PTPRD: variants seen among roughly 807,000 people sequenced by gnomAD.
PTPRD encodes the protein receptor-type tyrosine-protein phosphatase delta.
In PTPRD, 34 loss-of-function variants were observed where a neutral mutation model predicts 214.5. That is an observed-to-expected ratio of 0.16 (90% CI 0.12 to 0.21). The LOEUF is 0.21. Among genes scored for constraint, PTPRD ranks in the 10% least tolerant of loss-of-function variants. The pLI is 1.00. For missense variants in PTPRD, 2,545 were observed against 2,398.7 expected, an observed-to-expected ratio of 1.06 and a Z score of -1.27; for synonymous variants, 1,128 against 845.7, an observed-to-expected ratio of 1.33 and a Z score of -5.79.
At chr9:10,603,032 T>G (rs865913846) in intron 2 of PTPRD, among the ~76,000 whole-genome samples, 1 of 151,906 alleles carries the variant, frequency 6.6e-6, no homozygotes, top group African/African-American at 2.4e-5. Context: ...GGTCATGGAT[T>G]ATCAAGTACA....
chr9:9,904,583 T>C (rs763627042), intron 5 of PTPRD, among the ~76,000 whole-genome samples: 2 of 151,934 alleles, frequency 1.3e-5, no homozygotes, highest in Non-Finnish European at 2.9e-5. Context: ...TTAGCTTCCT[T>C]CCACACCTAC....
At chr9:8,579,162 T>C (rs1391478229) in intron 14 of PTPRD, among the ~76,000 whole-genome samples, 2 of 152,170 alleles carry the variant, frequency 1.3e-5, no homozygotes, top group African/African-American at 2.4e-5. Flanking sequence ...AATCAGTTGA[T>C]AGAAACAACA....
chr9:9,947,416 A>ATAT (rs1184799247), intron 4 of PTPRD, among the ~76,000 whole-genome samples: 23 of 38,388 alleles, frequency 6.0e-4, no homozygotes, highest in Admixed American at 1.1e-3. Flanking sequence ...TATATATTTT[A>ATAT]TATATATATT....
intron 11 of PTPRD, among the ~76,000 whole-genome samples, chr9:8,793,828 TAG>T: frequency 6.6e-6 from 1 of 152,330 alleles, no homozygotes; most frequent in African/African-American, 2.4e-5. Context: ...ACTATGTATC[TAG>T]GTTTGTATTT....
chr9:8,560,716 G>A (rs533712301), intron 14 of PTPRD, among the ~76,000 whole-genome samples: 2 of 152,154 alleles, frequency 1.3e-5, no homozygotes, highest in East Asian at 1.9e-4. Flanking sequence ...GGTAAACAGT[G>A]GTTTCTCAAA....
chr9:9,969,064 A>T (rs960828849), intron 4 of PTPRD, among the ~76,000 whole-genome samples: 1 of 152,216 alleles, frequency 6.6e-6, no homozygotes, highest in Non-Finnish European at 1.5e-5. Context: ...AATTAAAACC[A>T]TTGTGCCACA....
At chr9:9,559,939 A>G (rs1490378754) in intron 8 of PTPRD, among the ~76,000 whole-genome samples, 1 of 152,186 alleles carries the variant, frequency 6.6e-6, no homozygotes, top group Admixed American at 6.5e-5. Flanking sequence ...CAATAAATGC[A>G]GTTCTGCCTG....
chr9:10,450,811 G>C (rs540319890), intron 2 of PTPRD, among the ~76,000 whole-genome samples: 1 of 151,866 alleles, frequency 6.6e-6, no homozygotes, highest in Non-Finnish European at 1.5e-5. Flanking sequence ...CTACCATCAC[G>C]TCTTAAAAAA....
At chr9:9,585,615 C>A (rs2091800902) in intron 7 of PTPRD, among the ~76,000 whole-genome samples, 1 of 152,044 alleles carries the variant, frequency 6.6e-6, no homozygotes, top group Non-Finnish European at 1.5e-5. Context: ...TTCACACAAA[C>A]CTAAAAGGCT....
chr9:9,019,882 CTTTTTT>C (rs1160367980), intron 10 of PTPRD, among the ~76,000 whole-genome samples: 1 of 151,556 alleles, frequency 6.6e-6, no homozygotes, highest in South Asian at 2.1e-4. Context: ...AACTTGTTCA[CTTTTTT>C]TTTCTTTTTG....
intron 2 of PTPRD, among the ~76,000 whole-genome samples, chr9:10,517,918 T>C (rs1191385661): frequency 1.3e-5 from 2 of 152,288 alleles, no homozygotes; most frequent in African/African-American, 4.8e-5. Flanking sequence ...TGCTGAAAGA[T>C]CCACTGGTTC....
At chr9:10,382,576 C>G (rs1047078757) in intron 2 of PTPRD, among the ~76,000 whole-genome samples, 1 of 151,854 alleles carries the variant, frequency 6.6e-6, no homozygotes, top group Non-Finnish European at 1.5e-5. Context: ...CTATCATATA[C>G]CCATGTCTAC....
chr9:9,269,232 A>T (rs1253383635), intron 9 of PTPRD, among the ~76,000 whole-genome samples: 1 of 151,420 alleles, frequency 6.6e-6, no homozygotes, highest in Non-Finnish European at 1.5e-5. Context: ...AGGTTATGAA[A>T]TGGTTAATAG....
chr9:8,412,452 A>C (rs1336284739), intron 35 of PTPRD, among the ~76,000 whole-genome samples: 1 of 152,178 alleles, frequency 6.6e-6, no homozygotes, highest in African/African-American at 2.4e-5. Context: ...TTTCTTTTCC[A>C]TGGATAACAA....
intron 11 of PTPRD, among the ~76,000 whole-genome samples, chr9:8,976,930 C>T (rs1046778600): frequency 7.2e-5 from 11 of 152,032 alleles, no homozygotes; most frequent in African/African-American, 2.4e-4. Context: ...TTCTTCAAAG[C>T]TTCAGTTCTA....
intron 4 of PTPRD, among the ~76,000 whole-genome samples, chr9:9,983,350 A>G (rs566527040): frequency 6.6e-6 from 1 of 152,328 alleles, no homozygotes; most frequent in South Asian, 2.1e-4. Context: ...TGCCTTTCCA[A>G]AGAATCTCTA....
intron 2 of PTPRD, among the ~76,000 whole-genome samples, chr9:10,354,631 T>G (rs147591595): frequency 6.6e-6 from 1 of 152,242 alleles, no homozygotes; most frequent in Non-Finnish European, 1.5e-5. Flanking sequence ...TCTATTCAGT[T>G]TGTATTAAGA....
At chr9:9,132,965 C>A (rs2099845086) in intron 10 of PTPRD, among the ~76,000 whole-genome samples, 1 of 152,136 alleles carries the variant, frequency 6.6e-6, no homozygotes. Flanking sequence ...AAGTCCAATG[C>A]AGGAAACAAA....
At chr9:10,209,094 C>T (rs376614106) in intron 3 of PTPRD, among the ~76,000 whole-genome samples, 39 of 152,064 alleles carry the variant, frequency 2.6e-4, no homozygotes, top group African/African-American at 9.2e-4. Context: ...GATTTTTTTT[C>T]CACTGGAAAC....
Sources: allele counts gnomAD v4.1 joint callset (sites outside exome capture counted in the v4.1 genomes callset), GRCh38; gene constraint gnomAD v4.1.1; transcripts MANE v1.5; gene names NCBI Gene and HGNC (gene_info 2026-07-23, HGNC 2026-07-21).